Variants in EEFSEC observed in about 807,000 individuals in gnomAD.
EEFSEC encodes eukaryotic elongation factor, selenocysteine-tRNA specific, also known as selenocysteine-specific elongation factor.
A neutral mutation model predicts 42.1 loss-of-function variants in EEFSEC; 43 were observed. The observed-to-expected ratio is 1.02, with a 90% CI of 0.80 to 1.32. The LOEUF (loss-of-function observed/expected upper bound fraction) is 1.32. EEFSEC is among the 40% of genes most tolerant of loss of function. EEFSEC has a pLI of 0.00. For missense variants in EEFSEC, 745 were observed against 803.6 expected, an observed-to-expected ratio of 0.93 and a Z score of 0.88; for synonymous variants, 354 against 339.1, an observed-to-expected ratio of 1.04 and a Z score of -0.48.
rs747332923 is a variant in EEFSEC, at chr3:128,153,594, C to A, written c.87C>A (p.Thr29=). The change falls in exon 1 of 7, where the codon ACC becomes ACA. Residue 29 remains threonine (T), a synonymous_variant. Transcript: ENST00000254730. ...CGGCGCTGGCGCGGGCGCTAAGCAC[C>A]ACAGCCTCCACCGCCGCCTTTGACA... ...GKTALARALS[T]TASTAAFDKQ... is the part of the protein sequence containing the mutation. 3 of 1,586,304 alleles carry A rather than the reference C, an allele frequency of 1.9e-6. No individual in the cohort carries two copies. Among genetic ancestry groups the A allele is most frequent in the Non-Finnish European group, 2.6e-6 (3 of 1,172,730 alleles).
chr3:128,382,024 T>A (rs538001237), intron 6 of EEFSEC, among the ~76,000 whole-genome samples: 3 of 152,296 alleles, frequency 2.0e-5, no homozygotes, highest in Admixed American at 6.5e-5. Context: ...TAGGCCCGAA[T>A]GTGGTTCTGT....
chr3:128,263,385 G>A (rs761291029), intron 3 of EEFSEC, among the ~76,000 whole-genome samples: 16 of 152,206 alleles, frequency 1.1e-4, no homozygotes, highest in Non-Finnish European at 1.9e-4. Flanking sequence ...ATGTGACCAC[G>A]TACATGCACT....
intron 6 of EEFSEC, among the ~76,000 whole-genome samples, chr3:128,361,048 G>A (rs1027945425): frequency 1.3e-5 from 2 of 152,184 alleles, no homozygotes; most frequent in Non-Finnish European, 2.9e-5. Context: ...GGACATGCAG[G>A]GTGGGGAAGC....
intron 2 of EEFSEC, among the ~76,000 whole-genome samples, chr3:128,247,857 G>A (rs930567902): frequency 1.3e-5 from 2 of 152,182 alleles, no homozygotes; most frequent in Non-Finnish European, 2.9e-5. Context: ...AGGGAGAGAA[G>A]GTGTTGCTCT....
At chr3:128,275,600 A>G (rs771317956) in intron 4 of EEFSEC, among the ~76,000 whole-genome samples, 1 of 152,210 alleles carries the variant, frequency 6.6e-6, no homozygotes, top group Non-Finnish European at 1.5e-5. Context: ...CTGAGTGAAC[A>G]TGGCTTCCAG....
chr3:128,358,505 G>A, intron 6 of EEFSEC, 132 bp downstream of exon 6: 4 of 1,324,804 alleles, frequency 3.0e-6, no homozygotes, highest in Non-Finnish European at 4.1e-6. Context: ...GGGTGACTTG[G>A]CCTGCCTGGC....
intron 1 of EEFSEC, among the ~76,000 whole-genome samples, chr3:128,163,184 C>G (rs911994629): frequency 1.3e-5 from 2 of 152,054 alleles, no homozygotes; most frequent in African/African-American, 4.8e-5. Context: ...ATCTATAGCT[C>G]TGGTACTCTG....
chr3:128,352,286 C>T (rs1224281125), intron 5 of EEFSEC, among the ~76,000 whole-genome samples: 1 of 152,214 alleles, frequency 6.6e-6, no homozygotes, highest in Non-Finnish European at 1.5e-5. Flanking sequence ...CTCTTTCTAG[C>T]CAGACTTCCT....
intron 1 of EEFSEC, among the ~76,000 whole-genome samples, chr3:128,231,688 C>G (rs1013130469): frequency 6.6e-6 from 1 of 152,056 alleles, no homozygotes; most frequent in Admixed American, 6.5e-5. Context: ...CCAAGGTGGA[C>G]TCAGTGTCCA....
At chr3:128,246,781 T>C in intron 1 of EEFSEC, 55 bp from the exon 2 acceptor site, 1 of 1,598,262 alleles carries the variant, frequency 6.3e-7, no homozygotes, top group Non-Finnish European at 8.6e-7. Context: ...TGGGCAACTT[T>C]CTGTGGGGCT....
intron 6 of EEFSEC, among the ~76,000 whole-genome samples, chr3:128,399,077 A>C (rs2068017016): frequency 1.4e-5 from 1 of 70,572 alleles, no homozygotes; most frequent in Non-Finnish European, 2.5e-5. Flanking sequence ...TGCCTTAAAA[A>C]ATAAATAAAT....
chr3:128,296,945 C>T (rs2066712956), intron 4 of EEFSEC, among the ~76,000 whole-genome samples: 1 of 152,276 alleles, frequency 6.6e-6, no homozygotes, highest in South Asian at 2.1e-4. Flanking sequence ...ACCTCATGCT[C>T]TACATCACAC....
chr3:128,203,321 T>C (rs1209233012), intron 1 of EEFSEC, among the ~76,000 whole-genome samples: 1 of 152,198 alleles, frequency 6.6e-6, no homozygotes, highest in African/African-American at 2.4e-5. Flanking sequence ...TCCCTTCAGG[T>C]GTGTTCTAAT....
At chr3:128,328,987 A>G (rs748428528) in intron 4 of EEFSEC, among the ~76,000 whole-genome samples, 4 of 152,158 alleles carry the variant, frequency 2.6e-5, no homozygotes, top group South Asian at 2.1e-4. Context: ...TGGCAGCTCA[A>G]TTGGATGACT....
intron 1 of EEFSEC, among the ~76,000 whole-genome samples, chr3:128,232,055 TCCCACC>T (rs1202878548): frequency 1.3e-5 from 2 of 152,086 alleles, no homozygotes; most frequent in African/African-American, 2.4e-5. Flanking sequence ...GTCTCTCTGT[TCCCACC>T]CCCACCCCCA....
intron 6 of EEFSEC, among the ~76,000 whole-genome samples, chr3:128,404,608 G>T (rs2068088006): frequency 6.6e-6 from 1 of 152,218 alleles, no homozygotes; most frequent in African/African-American, 2.4e-5. Context: ...GATTCAGGGA[G>T]TCAGATACCT....
intron 4 of EEFSEC, among the ~76,000 whole-genome samples, chr3:128,303,095 A>G (rs913727299): frequency 1.3e-5 from 2 of 152,172 alleles, no homozygotes; most frequent in Non-Finnish European, 2.9e-5. Flanking sequence ...ATCAAATGAT[A>G]TATTGCTTTG....
rs541888987 is a variant in EEFSEC, at chr3:128,273,677, C to T, written c.786+8896C>T. On this transcript the variant is annotated intron_variant, in intron 4 of 6. Coordinates refer to ENST00000254730, the MANE Select transcript of EEFSEC (RefSeq NM_021937.5). ...GTTCTTGTGCTGAGAGCGGCCTGGA[C>T]CTGTGACAGTGGGTCTGTCTGCGCT... Among the ~76,000 whole-genome samples the T allele has an allele frequency of 7.9e-5, 12 of 152,322 alleles. No individual in the cohort carries two copies. In the South Asian group the frequency reaches 2.5e-3, roughly 32 times the overall value.
chr3:128,334,546 C>G (rs775538108), intron 4 of EEFSEC, among the ~76,000 whole-genome samples: 1 of 152,232 alleles, frequency 6.6e-6, no homozygotes, highest in Non-Finnish European at 1.5e-5. Context: ...TTGGAGACAT[C>G]AAAAACCTCT....
Sources: gnomAD v4.1 joint callset for allele counts (sites outside exome capture counted in the v4.1 genomes callset) on GRCh38, gnomAD v4.1.1 for gene constraint, MANE v1.5 for transcripts, NCBI Gene and HGNC (gene_info 2026-07-23, HGNC 2026-07-21) for gene names.